Variants in SPAST observed in about 807,000 individuals in gnomAD.
SPAST encodes the protein spastin.
Under a neutral mutation model 76.6 loss-of-function variants are expected in SPAST, and 30 were observed. That is an observed-to-expected ratio of 0.39 (90% CI 0.29 to 0.53). SPAST has a LOEUF of 0.53. SPAST is among the 20% of genes least tolerant of loss of function. The pLI is 0.68. For missense variants in SPAST, 717 were observed against 770.5 expected (o/e 0.93, Z 0.82); for synonymous variants, 305 against 281.0 (o/e 1.09, Z -0.86).
intron 4 of SPAST, among the ~76,000 whole-genome samples, chr2:32,114,433 A>T (rs535803649): frequency 6.6e-6 from 1 of 152,250 alleles, no homozygotes; most frequent in South Asian, 2.1e-4. Flanking sequence ...ATTATACGTT[A>T]GGGGGAAAAA....
rs1405749249 is a variant in SPAST, at chr2:32,115,795, A to G, written c.964A>G (p.Ser322Gly). Residue 322 changes from serine to glycine, a missense_variant, in exon 6 of 17, where the codon AGC becomes GGC. Ser to Gly is a moderately conservative substitution (Grantham distance 56, BLOSUM62 0). Around this residue, in one of 3 missense-constraint regions of SPAST, gnomAD observed 543 missense variants for 445.2 expected, o/e 1.22. Transcript: ENST00000315285. Reference sequence around the variant, plus strand: ...CTTGAAGAATTTTAGGAATGTGGACAGCAACCTTGCTAACCTTATAATGAA... The same window carrying G: ...CTTGAAGAATTTTAGGAATGTGGACGGCAACCTTGCTAACCTTATAATGAA... ...KDLKNFRNVDSNLANLIMNEI... is the reference protein window; with the variant it reads ...KDLKNFRNVDGNLANLIMNEI... 8 of 1,612,020 alleles carry G rather than the reference A, an allele frequency of 5.0e-6. No individual in the cohort carries two copies. Among genetic ancestry groups the G allele is most frequent in the South Asian group, 1.1e-5 (1 of 90,918 alleles).
intron 7 of SPAST, among the ~76,000 whole-genome samples, chr2:32,117,528 ATTC>A (rs1678881195): frequency 7.5e-6 from 1 of 132,560 alleles, no homozygotes; most frequent in Non-Finnish European, 1.6e-5. Context: ...AGGTAGAATA[ATTC>A]TTTTTTTTTT....
intron 3 of SPAST, among the ~76,000 whole-genome samples, chr2:32,095,551 C>T (rs557122930): frequency 2.7e-5 from 4 of 150,536 alleles, no homozygotes; most frequent in African/African-American, 9.8e-5. Context: ...GGACAGCGTA[C>T]TGAGACCCCA....
At chr2:32,066,295 C>T (rs1228541629) in intron 1 of SPAST, among the ~76,000 whole-genome samples, 2 of 152,094 alleles carry the variant, frequency 1.3e-5, no homozygotes, top group Non-Finnish European at 2.9e-5. Flanking sequence ...TTCTTTATCA[C>T]CTCTTAAGAA....
rs575640122 is a variant in SPAST at position 32,116,484 on chromosome 2, C to T, written c.1098+272C>T. On this transcript the variant is annotated intron_variant, in intron 7 of 16. Transcript: ENST00000315285. ...ATATAATTTTGTTTTGTTTTGGAGA[C>T]GGAGTCTCACTCATTGTGTCGCCCA... 3.9e-5 allele frequency among the ~76,000 whole-genome samples: 6 copies of T among 152,164 alleles called. No homozygotes were observed. The South Asian group carries it at 6.2e-4, about 16-fold the overall frequency.
chr2:32,079,148 C>G (rs1677096776), intron 1 of SPAST, among the ~76,000 whole-genome samples: 1 of 152,100 alleles, frequency 6.6e-6, no homozygotes, highest in Non-Finnish European at 1.5e-5. Flanking sequence ...ACCTCTTAGT[C>G]TTTACAATCT....
Position 32,121,160 on chromosome 2 carries a change from G to T in SPAST, c.1098+4948G>T, listed in dbSNP as rs577970002. Reference sequence around the variant, plus strand: ...TGTACATTTCTTTCTTTTTTTAGGTGGGGGCAGGGGGGAAGGAGTCTCACT... The same window carrying T: ...TGTACATTTCTTTCTTTTTTTAGGTTGGGGCAGGGGGGAAGGAGTCTCACT... On this transcript the variant is annotated intron_variant, in intron 7 of 16. Coordinates refer to ENST00000315285, the MANE Select transcript of SPAST (RefSeq NM_014946.4). Among the ~76,000 whole-genome samples, 5 of 151,660 alleles carry T rather than the reference G, an allele frequency of 3.3e-5. No homozygotes were observed. The South Asian group carries it at 1.0e-3, about 32-fold the overall frequency.
chr2:32,103,815 C>A (rs1225232876), intron 4 of SPAST, among the ~76,000 whole-genome samples: 1 of 152,168 alleles, frequency 6.6e-6, no homozygotes, highest in Non-Finnish European at 1.5e-5. Flanking sequence ...AGTTTGATTG[C>A]ACTGTGGCCT....
intron 3 of SPAST, among the ~76,000 whole-genome samples, chr2:32,097,068 T>C (rs568037300): frequency 5.3e-5 from 8 of 152,158 alleles, no homozygotes; most frequent in Admixed American, 2.0e-4. Flanking sequence ...TTTAAGAGAG[T>C]TAATATATAG....
chr2:32,135,680 C>T (rs796113405), intron 9 of SPAST, among the ~76,000 whole-genome samples: 24 of 151,432 alleles, frequency 1.6e-4, no homozygotes, highest in African/African-American at 5.6e-4. Context: ...TGGCTGGGCG[C>T]GGTGGCTCAT....
intron 13 of SPAST, 70 bp downstream of exon 13, chr2:32,142,016 G>A: frequency 8.5e-7 from 1 of 1,173,172 alleles, no homozygotes; most frequent in South Asian, 1.2e-5. Context: ...ACAATATTAA[G>A]TCTTCCAATC....
intron 4 of SPAST, among the ~76,000 whole-genome samples, chr2:32,106,261 C>T (rs551235302): frequency 6.6e-6 from 1 of 152,296 alleles, no homozygotes; most frequent in East Asian, 1.9e-4. Flanking sequence ...CCCTCTGAGC[C>T]AGGCATGGGA....
intron 4 of SPAST, among the ~76,000 whole-genome samples, chr2:32,107,009 A>G (rs1282907965): frequency 6.6e-6 from 1 of 151,886 alleles, no homozygotes. Context: ...TCCAGCCCTG[A>G]AGAGTTGGTC....
intron 1 of SPAST, among the ~76,000 whole-genome samples, chr2:32,081,781 CAAAAA>C (rs34078147): frequency 2.5e-4 from 11 of 44,382 alleles, no homozygotes; most frequent in Admixed American, 3.8e-4. Flanking sequence ...GAGACACTGT[CAAAAA>C]AAAAAAAAAA....
chr2:32,128,777 G>C (rs904855237), intron 9 of SPAST: 1 of 384,436 alleles, frequency 2.6e-6, no homozygotes, highest in African/African-American at 2.1e-5. Flanking sequence ...CAGTCAAAAT[G>C]TTGGCAGGGT....
At chr2:32,102,900 A>C (rs1678180992) in intron 4 of SPAST, among the ~76,000 whole-genome samples, 1 of 152,078 alleles carries the variant, frequency 6.6e-6, no homozygotes, top group Non-Finnish European at 1.5e-5. Context: ...TTTTGCGTTG[A>C]TGTTCATCAG....
chr2:32,153,227 CTTT>C (rs938753969), intron 16 of SPAST, among the ~76,000 whole-genome samples: 5 of 150,794 alleles, frequency 3.3e-5, no homozygotes, highest in Non-Finnish European at 7.4e-5. Context: ...GTTTAAAGTT[CTTT>C]AACTTCTTAT....
intron 9 of SPAST, among the ~76,000 whole-genome samples, chr2:32,131,835 G>A (rs1454796356): frequency 6.6e-6 from 1 of 151,734 alleles, no homozygotes; most frequent in Admixed American, 6.6e-5. Flanking sequence ...GCTAATTTTT[G>A]TATTTTAGTA....
chr2:32,082,306 A>G (rs1460044175), intron 1 of SPAST, among the ~76,000 whole-genome samples: 1 of 151,748 alleles, frequency 6.6e-6, no homozygotes, highest in Non-Finnish European at 1.5e-5. Context: ...GTTCTCTTCT[A>G]ATCTTACTAT....
Sources: allele counts gnomAD v4.1 joint callset (sites outside exome capture counted in the v4.1 genomes callset), GRCh38; gene constraint gnomAD v4.1.1; regional missense constraint gnomAD v4.1.1; transcripts MANE v1.5; gene names NCBI Gene and HGNC (gene_info 2026-07-23, HGNC 2026-07-21).